LACTB: variants seen among roughly 807,000 people sequenced by gnomAD.
The protein encoded by LACTB is serine beta-lactamase-like protein LACTB, mitochondrial.
In LACTB, 35 loss-of-function variants were observed where a neutral mutation model predicts 50.2. The observed-to-expected ratio is 0.70, with a 90% CI of 0.53 to 0.92. The LOEUF (loss-of-function observed/expected upper bound fraction) is 0.92, where lower values mean the gene tolerates loss of function less well. LACTB is among the 40% of genes least tolerant of loss of function. LACTB has a pLI of 0.00. For missense variants in LACTB, 664 were observed against 691.8 expected (o/e 0.96, Z 0.45); for synonymous variants, 252 against 268.2 (o/e 0.94, Z 0.59).
At position 63,122,205 on chromosome 15, in the gene LACTB, C is replaced by A; in HGVS notation, c.334C>A (p.Arg112Ser). The A allele has an allele frequency of 1.9e-6, 3 of 1,551,258 alleles. No homozygotes were observed. The highest frequency in any genetic ancestry group is 2.6e-6 in the Non-Finnish European group (3 of 1,158,090). The part of the protein sequence containing the change: ...RCFARAIESS[R>S]DLLHRIKDEV... ...CTTCGCCAGAGCCATCGAGAGCAGC[C>A]GCGACCTGCTGCACAGGATCAAGGT... Residue 112 changes from arginine (R) to serine (S), a missense_variant, in exon 1 of 6, where the codon CGC (arginine) becomes AGC (serine). Physicochemically the swap from Arg to Ser is moderately radical, Grantham distance 110. Transcript: ENST00000261893.
intron 5 of LACTB, among the ~76,000 whole-genome samples, chr15:63,137,498 G>A (rs1340285642): frequency 6.6e-6 from 1 of 152,002 alleles, no homozygotes; most frequent in African/African-American, 2.4e-5. Flanking sequence ...ATTTTTATGG[G>A]TACATAGCAG....
chr15:63,126,011 C>T (rs1457080673), intron 2 of LACTB: 4 of 152,032 alleles, frequency 2.6e-5, no homozygotes, highest in Non-Finnish European at 4.4e-5. Flanking sequence ...TAGATTTACG[C>T]ACTTTCAGCC....
At chr15:63,129,346 C>T in intron 4 of LACTB, 139 bp from the exon 5 acceptor site, 3 of 670,234 alleles carry the variant, frequency 4.5e-6, no homozygotes, top group African/African-American at 3.7e-5. Context: ...TGATGTATTG[C>T]CTGTGTTCTT....
intron 2 of LACTB, among the ~76,000 whole-genome samples, chr15:63,125,463 C>T (rs1211098932): frequency 6.6e-6 from 1 of 151,892 alleles, no homozygotes; most frequent in Non-Finnish European, 1.5e-5. Context: ...CCACCGTGCC[C>T]AGCTTAAAAT....
chr15:63,129,446 A>T (rs1326141059), intron 4 of LACTB, 39 bp from the exon 5 acceptor site: 2 of 1,478,126 alleles, frequency 1.4e-6, no homozygotes, highest in Non-Finnish European at 9.0e-7. Flanking sequence ...ATAATAATCA[A>T]GTATTTTATT....
intron 5 of LACTB, among the ~76,000 whole-genome samples, chr15:63,133,572 T>C (rs1481800849): frequency 6.6e-6 from 1 of 152,158 alleles, no homozygotes; most frequent in Non-Finnish European, 1.5e-5. Context: ...GCTATGATTA[T>C]ACCCTGCTCT....
intron 5 of LACTB, chr15:63,130,302 C>G (rs1160625285): frequency 6.6e-6 from 1 of 152,168 alleles, no homozygotes; most frequent in Non-Finnish European, 1.5e-5. Flanking sequence ...GTCAGGAGTT[C>G]AAGACCAGCC....
chr15:63,122,950 G>A (rs957867375), intron 2 of LACTB, among the ~76,000 whole-genome samples: 1 of 152,178 alleles, frequency 6.6e-6, no homozygotes, highest in African/African-American at 2.4e-5. Context: ...GGATTTATTA[G>A]TCTGAAAGTT....
chr15:63,138,895 A>T (rs147765381), intron 5 of LACTB, among the ~76,000 whole-genome samples: 9 of 151,442 alleles, frequency 5.9e-5, no homozygotes, highest in Admixed American at 4.6e-4. Flanking sequence ...CTATATATAT[A>T]TATTAGCTGT....
chr15:63,138,235 G>A (rs1409568738), intron 5 of LACTB, among the ~76,000 whole-genome samples: 2 of 152,086 alleles, frequency 1.3e-5, no homozygotes, highest in Non-Finnish European at 2.9e-5. Context: ...CTGAGGTGGG[G>A]GATTACCTGA....
chr15:63,128,772 C>G (rs748294114), intron 4 of LACTB, among the ~76,000 whole-genome samples: 3 of 151,990 alleles, frequency 2.0e-5, no homozygotes, highest in Non-Finnish European at 4.4e-5. Context: ...GAGATGGAGT[C>G]TGGCCCTGTC....
intron 5 of LACTB, among the ~76,000 whole-genome samples, chr15:63,137,775 T>C (rs1464491582): frequency 6.6e-6 from 1 of 152,232 alleles, no homozygotes; most frequent in Non-Finnish European, 1.5e-5. Context: ...ACTTTGGCTG[T>C]ATTTTGACAG....
chr15:63,140,269 G>A (rs2037216391), intron 5 of LACTB, among the ~76,000 whole-genome samples: 1 of 152,176 alleles, frequency 6.6e-6, no homozygotes, highest in African/African-American at 2.4e-5. Context: ...ATAGAAGGAA[G>A]GGAGAAGGGT....
At position 63,127,542 on chromosome 15, in the gene LACTB, C is replaced by T. The variant is rs535481475; in HGVS notation, c.805C>T (p.Gln269Ter). ...KNDFTKFKTE[Q>*]ENEAKCRNSK... ...TGATTTTACTAAATTTAAAACAGAG[C>T]AGGAGAATGAAGCCAAATGCCGGAA... is the stretch of plus-strand genomic sequence containing the variant. The change falls in exon 4 of 6, where the codon CAG (glutamine) becomes TAG (stop). Residue 269 changes from glutamine to a stop codon, truncating the protein, a stop_gained. Transcript: ENST00000261893. LOFTEE classifies it high-confidence loss of function. 12 of 1,613,636 alleles carry T rather than the reference C, an allele frequency of 7.4e-6. No homozygotes were observed. Among genetic ancestry groups the T allele is most frequent in the Non-Finnish European group, 1.0e-5 (12 of 1,179,872 alleles).
rs2037062363 is a variant in LACTB, at chr15:63,127,027, A to G, written c.593A>G (p.Glu198Gly). Residue 198 changes from glutamate to glycine, a missense_variant, in exon 3 of 6, where the codon GAA (glutamate) becomes GGA (glycine). Physicochemically the swap from Glu to Gly is moderately conservative, Grantham distance 98 (BLOSUM62 -2). Coordinates refer to ENST00000261893, the MANE Select transcript of LACTB (RefSeq NM_032857.5). ...PVQHYVPEFP[E>G]KEYEGEKVSV... ...CAACATTATGTTCCCGAATTCCCAG[A>G]AAAAGAATATGAAGGTGAAAAGGTA... The G allele has an allele frequency of 6.2e-7, 1 of 1,606,264 alleles. No homozygotes were observed. The highest frequency in any genetic ancestry group is 8.5e-7 in the Non-Finnish European group (1 of 1,175,594).
chr15:63,139,400 C>T (rs2037206955), intron 5 of LACTB, among the ~76,000 whole-genome samples: 1 of 151,940 alleles, frequency 6.6e-6, no homozygotes, highest in Non-Finnish European at 1.5e-5. Context: ...TGCCTATAAT[C>T]CCAACACTTT....
chr15:63,129,738 C>A, intron 5 of LACTB, 88 bp downstream of exon 5: 1 of 1,343,164 alleles, frequency 7.4e-7, no homozygotes, highest in Non-Finnish European at 9.5e-7. Context: ...TGTTTCCATT[C>A]CAAAATCAAC....
chr15:63,124,229 T>G (rs1011102483), intron 2 of LACTB, among the ~76,000 whole-genome samples: 11 of 152,188 alleles, frequency 7.2e-5, no homozygotes, highest in African/African-American at 1.7e-4. Context: ...TATGGCCTGG[T>G]TTTTCCTTGG....
Sources: allele counts gnomAD v4.1 joint callset (sites outside exome capture counted in the v4.1 genomes callset), GRCh38; gene constraint gnomAD v4.1.1; transcripts MANE v1.5; gene names NCBI Gene and HGNC (gene_info 2026-07-23, HGNC 2026-07-21).